The following PCCB variants were observed in gnomAD, a reference collection of about 807,000 sequenced individuals.
PCCB encodes the protein propionyl-CoA carboxylase beta chain, mitochondrial.
A neutral mutation model predicts 60.7 loss-of-function variants in PCCB; 43 were observed. That is an observed-to-expected ratio of 0.71 (90% confidence interval 0.55 to 0.91). The LOEUF is 0.91. Ranked by LOEUF, PCCB falls within the 40% of genes least tolerant of loss-of-function variation. The pLI is 0.00. For synonymous variants in PCCB, 276 were observed against 255.9 expected (o/e 1.08, Z -0.75); for missense variants, 766 against 702.8 (o/e 1.09, Z -1.02).
At chr3:136,323,685 C>T (rs1338065652) in intron 10 of PCCB, among the ~76,000 whole-genome samples, 5 of 151,532 alleles carry the variant, frequency 3.3e-5, no homozygotes, top group African/African-American at 7.3e-5. Context: ...CTTACGAGGC[C>T]GAGGCAGGAG....
intron 8 of PCCB, among the ~76,000 whole-genome samples, chr3:136,298,567 CAT>C (rs1451600864): frequency 6.6e-6 from 1 of 152,194 alleles, no homozygotes. Flanking sequence ...ATGCAAACAG[CAT>C]GCCCTTTAGG....
chr3:136,254,457 T>A (rs2108134948), intron 1 of PCCB, among the ~76,000 whole-genome samples: 1 of 147,356 alleles, frequency 6.8e-6, no homozygotes, highest in East Asian at 2.2e-4. Flanking sequence ...CCTGACCTCA[T>A]GATCCGCCTG....
intron 6 of PCCB, among the ~76,000 whole-genome samples, chr3:136,291,267 C>T (rs1272211735): frequency 6.6e-6 from 1 of 152,184 alleles, no homozygotes. Context: ...GCCATTACAC[C>T]TGGCAAACAT....
At chr3:136,262,619 A>G (rs893397825) in intron 5 of PCCB, among the ~76,000 whole-genome samples, 10 of 152,254 alleles carry the variant, frequency 6.6e-5, no homozygotes, top group African/African-American at 2.4e-4. Flanking sequence ...ATAATGTGTT[A>G]TGTGAAGTAT....
intron 14 of PCCB, among the ~76,000 whole-genome samples, chr3:136,329,265 TGGCTTGACCGG>T (rs1560035293): frequency 1.3e-5 from 2 of 152,222 alleles, no homozygotes; most frequent in African/African-American, 4.8e-5. Context: ...AGTCATTCTG[TGGCTTGACCGG>T]GGCTTGACAG....
intron 10 of PCCB, among the ~76,000 whole-genome samples, chr3:136,322,094 G>T (rs539289429): frequency 6.6e-6 from 1 of 152,312 alleles, no homozygotes; most frequent in East Asian, 1.9e-4. Flanking sequence ...GATGTTAGTT[G>T]TAGGTTTTTC....
chr3:136,317,707 G>C (rs1934958987), intron 10 of PCCB, among the ~76,000 whole-genome samples: 1 of 152,192 alleles, frequency 6.6e-6, no homozygotes, highest in African/African-American at 2.4e-5. Flanking sequence ...CATGAGGGCA[G>C]GGGTGGTGAT....
At chr3:136,292,915 T>A (rs1933764628) in intron 6 of PCCB, among the ~76,000 whole-genome samples, 1 of 152,228 alleles carries the variant, frequency 6.6e-6, no homozygotes, top group South Asian at 2.1e-4. Flanking sequence ...CCTGTTCCTC[T>A]GTTTAAATTT....
chr3:136,299,536 A>C (rs1421689946), intron 8 of PCCB, among the ~76,000 whole-genome samples: 3 of 121,320 alleles, frequency 2.5e-5, no homozygotes, highest in Admixed American at 7.3e-5. Flanking sequence ...ATGTATATGC[A>C]TGTGTATAGG....
chr3:136,312,899 A>T (rs1022492530), intron 9 of PCCB, among the ~76,000 whole-genome samples: 1 of 152,208 alleles, frequency 6.6e-6, no homozygotes, highest in Non-Finnish European at 1.5e-5. Context: ...ATGCTGAGGG[A>T]TTAACAACCA....
intron 1 of PCCB, among the ~76,000 whole-genome samples, chr3:136,252,911 T>G (rs1003666228): frequency 3.3e-5 from 5 of 149,472 alleles, no homozygotes; most frequent in African/African-American, 7.3e-5. Context: ...TTGTTTTGTT[T>G]TTTTTTTTTT....
At chr3:136,323,295 C>T (rs1935174232) in intron 10 of PCCB, among the ~76,000 whole-genome samples, 1 of 152,040 alleles carries the variant, frequency 6.6e-6, no homozygotes, top group Non-Finnish European at 1.5e-5. Context: ...TTTTTATTTT[C>T]TCCTCAGAGT....
chr3:136,283,439 A>G (rs751589086), intron 5 of PCCB, among the ~76,000 whole-genome samples: 1 of 152,120 alleles, frequency 6.6e-6, no homozygotes, highest in Non-Finnish European at 1.5e-5. Context: ...CAGGGTGCCA[A>G]GATAAGTGTT....
chr3:136,311,777 T>C (rs999216842), intron 9 of PCCB, among the ~76,000 whole-genome samples: 2 of 152,142 alleles, frequency 1.3e-5, no homozygotes, highest in Non-Finnish European at 2.9e-5. Context: ...CTGGGCAACA[T>C]AGTGAGACCT....
chr3:136,325,857 G>T (rs1487763237), intron 10 of PCCB, among the ~76,000 whole-genome samples: 1 of 151,822 alleles, frequency 6.6e-6, no homozygotes, highest in African/African-American at 2.4e-5. Flanking sequence ...TCTGTCACCC[G>T]GGCTGGAGTG....
chr3:136,251,328 G>T, intron 1 of PCCB: 1 of 456,692 alleles, frequency 2.2e-6, no homozygotes, highest in Non-Finnish European at 4.4e-6. Flanking sequence ...TGCCCAGTGT[G>T]TCCGTGACTG....
chr3:136,276,725 AG>A (rs1942340837), intron 5 of PCCB, among the ~76,000 whole-genome samples: 1 of 152,188 alleles, frequency 6.6e-6, no homozygotes, highest in Non-Finnish European at 1.5e-5. Flanking sequence ...GTGGGAGAGA[AG>A]ATACCTTCTC....
rs1560002497 is a variant in PCCB at position 136,268,102 on chromosome 3, A to ATATATATATATATATGTATATATATG, written c.543+6052_543+6053insGTATATATATGTATATATATATATAT. 1.7e-5 allele frequency among the ~76,000 whole-genome samples: 2 copies of ATATATATATATATATGTATATATATG among 117,622 alleles called. 1 individual carries two copies. Among genetic ancestry groups the ATATATATATATATATGTATATATATG allele is most frequent in the Non-Finnish European group, 3.3e-5 (2 of 60,040 alleles). The allele number at this position is 117,622 out of a possible 152,430, so 77.2% of individuals were successfully genotyped here. ...TGTGTGTGTAGATATATATATATAT[A>ATATATATATATATATGTATATATATG]TATATATATATATATATATGTATAT... On this transcript the variant is annotated intron_variant, in intron 5 of 14. Coordinates refer to ENST00000251654, the MANE Select transcript of PCCB (RefSeq NM_000532.5).
chr3:136,257,580 C>T (rs769856253), intron 3 of PCCB, among the ~76,000 whole-genome samples: 7 of 152,146 alleles, frequency 4.6e-5, no homozygotes, highest in Non-Finnish European at 8.8e-5. Flanking sequence ...ACTTTTTTCT[C>T]TCCAGAGGTG....
Sources: gnomAD v4.1 joint callset for allele counts (sites outside exome capture counted in the v4.1 genomes callset) on GRCh38, gnomAD v4.1.1 for gene constraint, MANE v1.5 for transcripts, NCBI Gene and HGNC (gene_info 2026-07-23, HGNC 2026-07-21) for gene names.